The following SNTG1 variants were observed in gnomAD, a reference collection of about 807,000 sequenced individuals.
The protein encoded by SNTG1 is syntrophin gamma 1.
In SNTG1, 39 loss-of-function variants were observed where a neutral mutation model predicts 74.7. That is an observed-to-expected ratio of 0.52 (90% CI 0.40 to 0.68). SNTG1 has a LOEUF of 0.68. Ranked by LOEUF, SNTG1 falls within the 30% of genes least tolerant of loss-of-function variation. The probability of loss-of-function intolerance (pLI) is 0.00; values close to 1 mark genes in which losing one functional copy is unlikely to be tolerated. For synonymous variants in SNTG1, 254 were observed against 217.1 expected (o/e 1.17, Z -1.49); for missense variants, 685 against 609.5 (o/e 1.12, Z -1.30).
chr8:50,716,409 AT>A (rs1391163533), intron 17 of SNTG1, among the ~76,000 whole-genome samples: 6 of 151,664 alleles, frequency 4.0e-5, no homozygotes, highest in Admixed American at 6.6e-5. Context: ...TTATATATAT[AT>A]TTTTTCTTTC....
At chr8:50,703,427 C>T (rs2095433023) in intron 15 of SNTG1, among the ~76,000 whole-genome samples, 1 of 152,028 alleles carries the variant, frequency 6.6e-6, no homozygotes, top group African/African-American at 2.4e-5. Flanking sequence ...ACTGGAAGGT[C>T]TTCAGGGGCA....
intron 1 of SNTG1, among the ~76,000 whole-genome samples, chr8:50,093,047 G>T (rs2079797541): frequency 6.7e-6 from 1 of 148,760 alleles, no homozygotes. Flanking sequence ...TCTGTGTAGA[G>T]CTAGCCATGA....
At chr8:50,275,340 A>T (rs2088031585) in intron 2 of SNTG1, among the ~76,000 whole-genome samples, 1 of 152,016 alleles carries the variant, frequency 6.6e-6, no homozygotes, top group Non-Finnish European at 1.5e-5. Context: ...TTTATTTGTT[A>T]TATTTGTTCT....
chr8:50,522,738 C>G (rs1430694661), intron 9 of SNTG1, among the ~76,000 whole-genome samples: 1 of 151,982 alleles, frequency 6.6e-6, no homozygotes, highest in African/African-American at 2.4e-5. Context: ...ACCGCCATGC[C>G]CGGCTTATTT....
chr8:50,014,949 A>G (rs770223735), intron 1 of SNTG1, among the ~76,000 whole-genome samples: 1 of 151,912 alleles, frequency 6.6e-6, no homozygotes, highest in Non-Finnish European at 1.5e-5. Context: ...TATTATCTAA[A>G]TTGTCCAGTT....
intron 1 of SNTG1, among the ~76,000 whole-genome samples, chr8:50,076,866 T>A (rs1355642197): frequency 1.3e-5 from 2 of 152,198 alleles, no homozygotes; most frequent in African/African-American, 4.8e-5. Context: ...TATTTTAGTG[T>A]GTTTTTAAAA....
chr8:50,352,437 C>T (rs2091690674), intron 2 of SNTG1, among the ~76,000 whole-genome samples: 2 of 151,854 alleles, frequency 1.3e-5, no homozygotes, highest in South Asian at 4.2e-4. Context: ...GTTGCCCAGG[C>T]TGGAGTGCAA....
intron 1 of SNTG1, among the ~76,000 whole-genome samples, chr8:49,974,189 C>T (rs372180313): frequency 2.2e-4 from 33 of 152,244 alleles, no homozygotes; most frequent in South Asian, 6.2e-4. Flanking sequence ...AACATAGTAA[C>T]GATAGCCCGA....
intron 1 of SNTG1, among the ~76,000 whole-genome samples, chr8:50,096,605 A>G (rs2079938654): frequency 6.6e-6 from 1 of 152,172 alleles, no homozygotes; most frequent in African/African-American, 2.4e-5. Context: ...TCATAATATT[A>G]CCTACTGTCA....
intron 1 of SNTG1, among the ~76,000 whole-genome samples, chr8:50,004,254 G>A (rs1366143069): frequency 6.6e-6 from 1 of 152,162 alleles, no homozygotes; most frequent in Non-Finnish European, 1.5e-5. Context: ...GCCCAGGGAT[G>A]TTTAACATAC....
chr8:50,771,872 G>A (rs1180235160), intron 18 of SNTG1, among the ~76,000 whole-genome samples: 1 of 152,074 alleles, frequency 6.6e-6, no homozygotes, highest in East Asian at 1.9e-4. Flanking sequence ...GCTTTGAAAG[G>A]CACAAGCAGT....
chr8:50,148,418 T>A (rs1182701020), intron 1 of SNTG1, among the ~76,000 whole-genome samples: 1 of 152,192 alleles, frequency 6.6e-6, no homozygotes, highest in East Asian at 1.9e-4. Flanking sequence ...TTTATTAATT[T>A]TTTTATTACT....
At chr8:50,761,292 A>T (rs1376440061) in intron 18 of SNTG1, among the ~76,000 whole-genome samples, 6 of 151,878 alleles carry the variant, frequency 4.0e-5, no homozygotes, top group African/African-American at 9.7e-5. Flanking sequence ...GTCAGGCATG[A>T]CGTACTGAAT....
intron 13 of SNTG1, among the ~76,000 whole-genome samples, chr8:50,604,099 CT>C (rs912731260): frequency 1.3e-5 from 2 of 152,140 alleles, no homozygotes; most frequent in Admixed American, 6.5e-5. Flanking sequence ...GACATGTTTT[CT>C]AGGGGCCAGG....
intron 1 of SNTG1, among the ~76,000 whole-genome samples, chr8:50,114,073 G>C (rs1563615416): frequency 6.6e-6 from 1 of 152,036 alleles, no homozygotes; most frequent in Admixed American, 6.6e-5. Flanking sequence ...GGAATAGATT[G>C]AGAATATTCG....
Position 50,795,041 on chromosome 8 carries a change from T to C in SNTG1, c.*2212T>C, listed in dbSNP as rs1388154609. The stretch of plus-strand genomic sequence containing the variant: ...CAGAGAATACACACACACCTACATA[T>C]GTATTTATATGCATACATGGGTGTA... On this transcript the variant is annotated 3_prime_UTR_variant, in exon 19 of 19. Transcript: ENST00000642720. The C allele has an allele frequency of 6.8e-6, 1 of 148,098 alleles. No homozygotes were observed. Among genetic ancestry groups the C allele is most frequent in the Non-Finnish European group, 1.5e-5 (1 of 66,816 alleles). 9.2% of individuals were successfully genotyped at this position (148,098 alleles called of 1,614,324 possible).
At chr8:50,693,518 A>G (rs1264289072) in intron 15 of SNTG1, among the ~76,000 whole-genome samples, 1 of 152,218 alleles carries the variant, frequency 6.6e-6, no homozygotes, top group Non-Finnish European at 1.5e-5. Flanking sequence ...ATGAATTGCA[A>G]TATAACAATT....
At chr8:50,388,698 C>T (rs1206510934) in intron 2 of SNTG1, among the ~76,000 whole-genome samples, 1 of 152,162 alleles carries the variant, frequency 6.6e-6, no homozygotes, top group Non-Finnish European at 1.5e-5. Flanking sequence ...ATTTCTTCTA[C>T]AGAGGAAACT....
chr8:50,790,024 C>A (rs548407257), intron 18 of SNTG1, among the ~76,000 whole-genome samples: 2 of 152,102 alleles, frequency 1.3e-5, no homozygotes, highest in South Asian at 4.1e-4. Context: ...TATTTCCCCA[C>A]AAACATGGAA....
Sources: gnomAD v4.1 joint callset for allele counts (sites outside exome capture counted in the v4.1 genomes callset) on GRCh38, gnomAD v4.1.1 for gene constraint, MANE v1.5 for transcripts, NCBI Gene and HGNC (gene_info 2026-07-23, HGNC 2026-07-21) for gene names.